The following PFKP variants were observed in gnomAD, a reference collection of about 807,000 sequenced individuals.
PFKP encodes ATP-dependent 6-phosphofructokinase, platelet type.
A neutral mutation model predicts 94.3 loss-of-function variants in PFKP; 101 were observed. That is an observed-to-expected ratio of 1.07 (90% CI 0.91 to 1.26). PFKP has a LOEUF of 1.26. Ranked by LOEUF, PFKP falls within the 50% of genes most tolerant of loss-of-function variation. PFKP has a pLI of 0.00. For missense variants in PFKP, 1,145 were observed against 1,103.3 expected (o/e 1.04, Z -0.53); for synonymous variants, 573 against 432.6 (o/e 1.32, Z -4.03).
chr10:3,109,604 AAGGAGGTG>A (rs1311145245), intron 10 of PFKP, 124 bp downstream of exon 10: 4 of 1,222,860 alleles, frequency 3.3e-6, no homozygotes, highest in Non-Finnish European at 4.6e-6. Context: ...CCTTTCTGAG[AAGGAGGTG>A]AGCTGCCCGT....
intron 16 of PFKP, among the ~76,000 whole-genome samples, chr10:3,127,578 C>T (rs1490409678): frequency 1.3e-5 from 2 of 152,182 alleles, no homozygotes; most frequent in African/African-American, 2.4e-5. Context: ...AGCCTTACAG[C>T]GTCTTAAGTC....
chr10:3,133,665 A>AGGT (rs60853292), intron 19 of PFKP, among the ~76,000 whole-genome samples: 3,232 of 152,286 alleles, frequency 0.021, 86 homozygotes, highest in African/African-American at 0.056. Flanking sequence ...TCCTGACCTC[A>AGGT]GATGATTCAC....
intron 1 of PFKP, among the ~76,000 whole-genome samples, chr10:3,078,657 C>G (rs1229792986): frequency 1.3e-5 from 2 of 152,210 alleles, no homozygotes; most frequent in African/African-American, 2.4e-5. Context: ...ACAGCTTCAC[C>G]GCTTACTAAT....
chr10:3,104,001 CAG>C (rs1835294804), intron 5 of PFKP, 57 bp downstream of exon 5: 2 of 1,518,538 alleles, frequency 1.3e-6, no homozygotes, highest in African/African-American at 2.7e-5. Context: ...GTGCCCAGCT[CAG>C]ACGTTACCAC....
chr10:3,121,803 CTTTTTTTTTT>C (rs759926178), intron 16 of PFKP, among the ~76,000 whole-genome samples: 4 of 32,624 alleles, frequency 1.2e-4, no homozygotes, highest in African/African-American at 2.1e-4. Context: ...CTTTTTTTTT[CTTTTTTTTTT>C]TTTTTTTTTT....
chr10:3,120,983 C>T (rs7075876), intron 16 of PFKP, among the ~76,000 whole-genome samples: 33,042 of 152,078 alleles, frequency 0.22, 3,625 homozygotes, highest in South Asian at 0.26. Flanking sequence ...TCTTGTGAGA[C>T]TTGGTTCTCA....
intron 15 of PFKP, among the ~76,000 whole-genome samples, chr10:3,119,494 A>G (rs563684767): frequency 6.6e-6 from 1 of 152,198 alleles, no homozygotes; most frequent in South Asian, 2.1e-4. Context: ...AGTCCCAGCT[A>G]CCCGGGAGGC....
chr10:3,126,275 G>A lies in PFKP; in HGVS notation c.1684-3544G>A, dbSNP rs74684049. Among the ~76,000 whole-genome samples the A allele has an allele frequency of 2.7e-3, 411 of 152,332 alleles. 1 individual carries two copies. Among genetic ancestry groups the A allele is most frequent in the Middle Eastern group, 0.01 (3 of 294 alleles). ...CAGCCTCCCACTCGAGCTGAGGGGC[G>A]TGTCCTGGCCATCTCTCTCCTAGGC... On this transcript the variant is annotated intron_variant, in intron 16 of 21. Coordinates refer to ENST00000381125, the MANE Select transcript of PFKP (RefSeq NM_002627.5).
chr10:3,089,431 T>C (rs1307052146), intron 2 of PFKP, among the ~76,000 whole-genome samples: 2 of 152,028 alleles, frequency 1.3e-5, no homozygotes, highest in Non-Finnish European at 2.9e-5. Context: ...GAGGTCTCTT[T>C]CTGCCGATTC....
chr10:3,118,620 C>T (rs922176923), intron 14 of PFKP, among the ~76,000 whole-genome samples, 162 bp from the exon 15 acceptor site: 10 of 152,226 alleles, frequency 6.6e-5, no homozygotes, highest in Non-Finnish European at 1.2e-4. Flanking sequence ...GTCATTCTGC[C>T]ATCTGCCAGC....
At chr10:3,089,321 G>T (rs1359419145) in intron 2 of PFKP, among the ~76,000 whole-genome samples, 1 of 152,218 alleles carries the variant, frequency 6.6e-6, no homozygotes, top group Non-Finnish European at 1.5e-5. Context: ...GAACGGTGTT[G>T]TGTTGTGGGC....
intron 10 of PFKP, among the ~76,000 whole-genome samples, chr10:3,111,314 A>G (rs1446851454): frequency 6.6e-6 from 1 of 151,818 alleles, no homozygotes; most frequent in Admixed American, 6.6e-5. Flanking sequence ...GCTTATGTGC[A>G]TATGTGTGTA....
intron 2 of PFKP, among the ~76,000 whole-genome samples, chr10:3,093,913 G>T (rs536587052): frequency 1.3e-5 from 2 of 152,180 alleles, no homozygotes; most frequent in South Asian, 2.1e-4. Flanking sequence ...AAAGTGCTGG[G>T]ATTACAGGCG....
Position 3,105,389 on chromosome 10 carries a change from A to G in PFKP, c.666-4A>G, listed in dbSNP as rs111575676. ...GTGTTGATGCTGTTGCCTTGTCCAC[A>G]TAGGTACCTGGCCCTGGTGAGTGCC... is the stretch of plus-strand genomic sequence containing the variant. On this transcript the variant is annotated splice_region_variant and splice_polypyrimidine_tract_variant and intron_variant, in intron 6 of 21. Coordinates refer to ENST00000381125, the MANE Select transcript of PFKP (RefSeq NM_002627.5). The G allele has an allele frequency of 1.6e-3, 2,515 of 1,611,432 alleles. 44 individuals carry two copies. In the African/African-American group the frequency reaches 0.028, roughly 18 times the overall value.
intron 16 of PFKP, among the ~76,000 whole-genome samples, chr10:3,122,062 A>G (rs1588537480): frequency 2.1e-5 from 3 of 139,702 alleles, no homozygotes; most frequent in East Asian, 4.2e-4. Flanking sequence ...GGCTCAAGCA[A>G]TCCCCCTGTC....
At position 3,134,494 on chromosome 10, in the gene PFKP, C is replaced by G; in HGVS notation, c.2034C>G (p.Pro678=). 1.2e-6 allele frequency: 2 copies of G among 1,611,580 alleles called. No homozygotes were observed. Among genetic ancestry groups the G allele is most frequent in the Non-Finnish European group, 1.7e-6 (2 of 1,177,688 alleles). The change falls in exon 20 of 22, where the codon CCC becomes CCG. Residue 678 remains proline (P), a synonymous_variant. Transcript: ENST00000381125. Reference sequence around the variant, plus strand: ...CTAACCACCAACAGGGTGGGGCACCCTCTCCATTTGATAGAAACTTTGGAA... The same window carrying G: ...CTAACCACCAACAGGGTGGGGCACCGTCTCCATTTGATAGAAACTTTGGAA... The part of the protein sequence containing the change: ...VLGHMQQGGA[P]SPFDRNFGTK...
intron 1 of PFKP, among the ~76,000 whole-genome samples, chr10:3,072,259 A>G (rs952686952): frequency 2.0e-5 from 3 of 152,268 alleles, no homozygotes; most frequent in Admixed American, 2.0e-4. Flanking sequence ...CGAAGTCAGA[A>G]GTGTGAGGTT....
At chr10:3,123,969 T>TGGTCACCCAGCACTGACCCTGC in intron 16 of PFKP, among the ~76,000 whole-genome samples, 1 of 150,290 alleles carries the variant, frequency 6.7e-6, no homozygotes, top group Non-Finnish European at 1.5e-5. Flanking sequence ...ACTGACCCCG[T>TGGTCACCCAGCACTGACCCTGC]TCACAGCTCG....
At position 3,107,639 on chromosome 10, in the gene PFKP, C is replaced by T. The variant is rs552309867; in HGVS notation, c.870+330C>T. Reference sequence around the variant, plus strand: ...ACATGAGCTGCTCTGAGAATGAGGACTGACCACTTGGCAGCCGACCCGGGC... The same window carrying T: ...ACATGAGCTGCTCTGAGAATGAGGATTGACCACTTGGCAGCCGACCCGGGC... On this transcript the variant is annotated intron_variant, in intron 8 of 21. Coordinates refer to ENST00000381125, the MANE Select transcript of PFKP (RefSeq NM_002627.5). 336 of 552,000 alleles carry T rather than the reference C, an allele frequency of 6.1e-4. 8 individuals carry two copies. In the South Asian group the frequency reaches 0.024, roughly 39 times the overall value. 34.2% of individuals were successfully genotyped at this position (552,000 alleles called of 1,614,324 possible).
Sources: allele counts gnomAD v4.1 joint callset (sites outside exome capture counted in the v4.1 genomes callset), GRCh38; gene constraint gnomAD v4.1.1; transcripts MANE v1.5; gene names NCBI Gene and HGNC (gene_info 2026-07-23, HGNC 2026-07-21).